The following COL4A6 variants were observed in gnomAD, a reference collection of about 807,000 sequenced individuals.
The protein encoded by COL4A6 is collagen alpha-6(IV) chain.
A neutral mutation model predicts 126.7 loss-of-function variants in COL4A6; 59 were observed. The observed-to-expected ratio is 0.47, with a 90% CI of 0.38 to 0.58. COL4A6 has a LOEUF of 0.58. Ranked by LOEUF, COL4A6 falls within the 20% of genes least tolerant of loss-of-function variation. COL4A6 has a pLI of 0.00. For missense variants in COL4A6, 1,285 were observed against 1,337.3 expected (o/e 0.96, Z 0.61); for synonymous variants, 547 against 496.6 (o/e 1.10, Z -1.35).
At position 108,280,242 on chromosome X, in the gene COL4A6, G is replaced by A. The variant is rs368435275; in HGVS notation, c.144+30506C>T. Among the ~76,000 whole-genome samples the A allele has an allele frequency of 1.4e-3, 160 of 111,064 alleles. 4 individuals are homozygous for A. In the East Asian group the frequency reaches 0.031, roughly 22 times the overall value. ...AAAGGATCAACAAAATTGATAGACC[G>A]CTAGCAAGACTAATAAAGAAGAAAA... is the stretch of plus-strand genomic sequence containing the variant. On this transcript the variant is annotated intron_variant, in intron 3 of 44. Transcript: ENST00000334504.
intron 3 of COL4A6, among the ~76,000 whole-genome samples, chrX:108,262,637 T>A (rs1310640002): frequency 9.0e-6 from 1 of 111,540 alleles, no homozygotes; most frequent in Non-Finnish European, 1.9e-5. Flanking sequence ...TCTGAGGTTG[T>A]CTGGCTGTCT....
intron 3 of COL4A6, among the ~76,000 whole-genome samples, chrX:108,295,133 A>G (rs1411414392): frequency 8.9e-6 from 1 of 112,205 alleles, no homozygotes; most frequent in African/African-American, 3.2e-5. Context: ...CTCCATGTGC[A>G]CATTAGTCAA....
intron 2 of COL4A6, among the ~76,000 whole-genome samples, chrX:108,436,548 T>C (rs1173909941): frequency 8.9e-6 from 1 of 112,397 alleles, no homozygotes; most frequent in Non-Finnish European, 1.9e-5. Flanking sequence ...GCAAGATTCC[T>C]GGATGAATTG....
intron 8 of COL4A6, 192 bp from the exon 9 acceptor site, chrX:108,206,772 G>A: frequency 1.9e-6 from 1 of 531,059 alleles, no homozygotes; most frequent in East Asian, 3.4e-5. Flanking sequence ...TGGAATAAAT[G>A]CCTACAATAA....
At chrX:108,195,275 CT>C (rs5903312) in intron 14 of COL4A6, 149 bp from the exon 15 acceptor site, 8,206 of 267,057 alleles carry the variant, frequency 0.031, 1 homozygote, top group East Asian at 0.11. Flanking sequence ...AGCTTAACGA[CT>C]TTTTTTTTTT....
At chrX:108,399,887 T>C (rs1239209851) in intron 2 of COL4A6, among the ~76,000 whole-genome samples, 1 of 111,368 alleles carries the variant, frequency 9.0e-6, no homozygotes, top group Non-Finnish European at 1.9e-5. Context: ...CAGTCTCACA[T>C]TGAAAAAGAC....
chrX:108,172,358 TAAAAAAGAAAAAAAAAA>T, intron 32 of COL4A6, 94 bp downstream of exon 32: 1 of 334,738 alleles, frequency 3.0e-6, no homozygotes, highest in Non-Finnish European at 4.2e-6. Flanking sequence ...AGACTCTGCC[TAAAAAAGAAAAAAAAAA>T]AAAAAAAAAA....
At chrX:108,406,678 G>A (rs141825424) in intron 2 of COL4A6, among the ~76,000 whole-genome samples, 10 of 111,969 alleles carry the variant, frequency 8.9e-5, no homozygotes, top group East Asian at 2.8e-4. Flanking sequence ...CCTCAATGCC[G>A]CAACCTATGC....
intron 5 of COL4A6, among the ~76,000 whole-genome samples, chrX:108,217,271 C>T (rs1446049642): frequency 8.9e-6 from 1 of 111,854 alleles, no homozygotes; most frequent in Non-Finnish European, 1.9e-5. Flanking sequence ...CAGATCTGTG[C>T]AGTGATCCAG....
intron 2 of COL4A6, among the ~76,000 whole-genome samples, chrX:108,379,987 C>T (rs779409522): frequency 8.1e-5 from 9 of 110,824 alleles, no homozygotes; most frequent in Non-Finnish European, 1.1e-4. Flanking sequence ...ATCTCTCTGC[C>T]GCCAATATTT....
At chrX:108,391,358 C>T (rs996623384) in intron 2 of COL4A6, among the ~76,000 whole-genome samples, 4 of 111,960 alleles carry the variant, frequency 3.6e-5, no homozygotes, top group Non-Finnish European at 7.5e-5. Context: ...AAGTCCCTGA[C>T]TGGGGCTGCT....
chrX:108,340,416 C>A (rs965111381), intron 2 of COL4A6, among the ~76,000 whole-genome samples: 3 of 111,595 alleles, frequency 2.7e-5, no homozygotes, highest in African/African-American at 9.8e-5. Flanking sequence ...TAGAAATTGA[C>A]TTACTTAGTT....
intron 2 of COL4A6, among the ~76,000 whole-genome samples, chrX:108,349,851 T>C (rs975733013): frequency 8.9e-6 from 1 of 111,897 alleles, no homozygotes; most frequent in South Asian, 3.8e-4. Flanking sequence ...CTAACATTTA[T>C]TTTCGTCTAT....
At chrX:108,414,718 G>T (rs2041401876) in intron 2 of COL4A6, among the ~76,000 whole-genome samples, 1 of 110,974 alleles carries the variant, frequency 9.0e-6, no homozygotes, top group South Asian at 3.9e-4. Flanking sequence ...CTTGAGCCTG[G>T]GAAGTTGAGG....
At chrX:108,437,256 G>A (rs2064285103) in intron 2 of COL4A6, among the ~76,000 whole-genome samples, 1 of 111,933 alleles carries the variant, frequency 8.9e-6, no homozygotes, top group Non-Finnish European at 1.9e-5. Context: ...TTGACCAAAA[G>A]TCTTCAGAAA....
intron 21 of COL4A6, 59 bp from the exon 22 acceptor site, chrX:108,188,086 G>A (rs996420687): frequency 4.6e-5 from 46 of 998,082 alleles, no homozygotes; most frequent in Non-Finnish European, 5.5e-5. Context: ...ATAGAATTCC[G>A]GCACCTAGCA....
chrX:108,290,440 A>T (rs909811928), intron 3 of COL4A6, among the ~76,000 whole-genome samples: 3 of 112,350 alleles, frequency 2.7e-5, no homozygotes, highest in African/African-American at 9.7e-5. Context: ...CACAGTTACT[A>T]TTAAGTGGTG....
chrX:108,165,399 G>C lies in COL4A6; in HGVS notation c.3779C>G (p.Pro1260Arg), dbSNP rs759348810. Reference sequence around the variant, plus strand: ...TTCTCCATCTAGGCCTGGTCGCCCGGGGTCACCAGGCTGTCCTGCTATGAG... The same window carrying C: ...TTCTCCATCTAGGCCTGGTCGCCCGCGGTCACCAGGCTGTCCTGCTATGAG... ...PSLIAGQPGDPGRPGLDGERG... is the reference protein window; with the variant it reads ...PSLIAGQPGDRGRPGLDGERG... Residue 1260 changes from proline (P) to arginine (R), a missense_variant, in exon 38 of 45, where the codon CCC (proline) becomes CGC (arginine). Transcript: ENST00000334504. 8.3e-7 allele frequency: 1 copy of C among 1,207,980 alleles called. No homozygotes were observed. Among genetic ancestry groups the C allele is most frequent in the Admixed American group, 2.2e-5 (1 of 45,767 alleles).
intron 25 of COL4A6, among the ~76,000 whole-genome samples, chrX:108,179,776 T>C (rs995109532): frequency 4.7e-5 from 5 of 107,506 alleles, no homozygotes; most frequent in African/African-American, 1.7e-4. Context: ...GCTTCTGCTG[T>C]CATGCCTCCT....
Sources: gnomAD v4.1 joint callset for allele counts (sites outside exome capture counted in the v4.1 genomes callset) on GRCh38, gnomAD v4.1.1 for gene constraint, MANE v1.5 for transcripts, NCBI Gene and HGNC (gene_info 2026-07-23, HGNC 2026-07-21) for gene names.